PCBP3: variants seen among roughly 807,000 people sequenced by gnomAD.
PCBP3 encodes poly(rC) binding protein 3.
A neutral mutation model predicts 52.7 loss-of-function variants in PCBP3; 25 were observed. That is an observed-to-expected ratio of 0.47 (90% CI 0.35 to 0.66). The LOEUF (loss-of-function observed/expected upper bound fraction) is 0.66. Among genes scored for constraint, PCBP3 ranks in the 30% least tolerant of loss-of-function variants. The pLI, the probability that PCBP3 is intolerant of heterozygous loss-of-function variation, is 0.01. For missense variants in PCBP3, 391 were observed against 490.3 expected, an observed-to-expected ratio of 0.80 and a Z score of 1.91; for synonymous variants, 162 against 183.0, an observed-to-expected ratio of 0.89 and a Z score of 0.93.
rs185032037 is a variant in PCBP3 at position 45,653,595 on chromosome 21, T to C, written c.-279+9727T>C. Reference sequence around the variant, plus strand: ...ATTTACATACTATCTTTGTTTTTTATCTTATTCTCAACCTTACTATAGTTT... The same window carrying C: ...ATTTACATACTATCTTTGTTTTTTACCTTATTCTCAACCTTACTATAGTTT... On this transcript the variant is annotated intron_variant, in intron 1 of 17. Transcript: ENST00000681687. Among the ~76,000 whole-genome samples the C allele has an allele frequency of 1.7e-3, 264 of 152,292 alleles. 1 individual carries two copies. The highest frequency in any genetic ancestry group is 6.1e-3 in the African/African-American group (253 of 41,580).
chr21:45,870,040 T>G (rs778725887), intron 5 of PCBP3, among the ~76,000 whole-genome samples: 22 of 149,930 alleles, frequency 1.5e-4, no homozygotes, highest in Middle Eastern at 7.1e-3. Context: ...TTTATTGAAT[T>G]TATTTTTGTT....
In PCBP3 at chr21:45,917,189, C is replaced by T. The variant is rs2073597260; in HGVS notation, c.676-399C>T. 1.1e-5 allele frequency: 2 copies of T among 179,650 alleles called. No individual in the cohort carries two copies. The highest frequency in any genetic ancestry group is 2.3e-5 in the Non-Finnish European group (2 of 85,888). 11.1% of individuals were successfully genotyped at this position (179,650 alleles called of 1,614,324 possible). Reference sequence around the variant, plus strand: ...TTAGAGCTTTCTTTTGTTGTTTGGACTTCTTGGGGTAAATTATTTCCCAAA... The same window carrying T: ...TTAGAGCTTTCTTTTGTTGTTTGGATTTCTTGGGGTAAATTATTTCCCAAA... On this transcript the variant is annotated intron_variant, in intron 12 of 17. Coordinates refer to ENST00000681687, the MANE Select transcript of PCBP3 (RefSeq NM_001384156.1). The surrounding 1 kb of genome is among the most constrained non-coding windows in gnomAD (Gnocchi z 5.3).
At chr21:45,902,351 G>A (rs2096080108) in intron 9 of PCBP3, among the ~76,000 whole-genome samples, 1 of 151,588 alleles carries the variant, frequency 6.6e-6, no homozygotes, top group Non-Finnish European at 1.5e-5. Context: ...TATCGTAGGT[G>A]GCCTGGCCAC....
chr21:45,858,631 T>A (rs1179151759), intron 5 of PCBP3: 2 of 152,182 alleles, frequency 1.3e-5, no homozygotes, highest in East Asian at 3.9e-4. Context: ...CAAACTGAAC[T>A]CCTCGTCATA....
chr21:45,645,534 G>A (rs963361521), intron 1 of PCBP3, among the ~76,000 whole-genome samples: 2 of 152,168 alleles, frequency 1.3e-5, no homozygotes, highest in African/African-American at 4.8e-5. Flanking sequence ...AACCCACACA[G>A]CTTTGTGGTT....
chr21:45,692,294 G>A (rs894624308), intron 2 of PCBP3, among the ~76,000 whole-genome samples: 3 of 151,866 alleles, frequency 2.0e-5, no homozygotes, highest in Non-Finnish European at 4.4e-5. Context: ...AAATAAGAAT[G>A]TAGAAATCAA....
At chr21:45,647,888 A>G (rs929586726) in intron 1 of PCBP3, among the ~76,000 whole-genome samples, 34 of 152,176 alleles carry the variant, frequency 2.2e-4, no homozygotes, top group African/African-American at 8.2e-4. Context: ...TGATTTTAAA[A>G]TAGGGAGATT....
intron 2 of PCBP3, among the ~76,000 whole-genome samples, chr21:45,717,417 TAG>T (rs1193959197): frequency 6.6e-6 from 1 of 152,196 alleles, no homozygotes; most frequent in Non-Finnish European, 1.5e-5. Flanking sequence ...TTTCTCATCT[TAG>T]GGGAAAAGCT....
At chr21:45,816,222 C>T (rs2092949988) in intron 4 of PCBP3, among the ~76,000 whole-genome samples, 1 of 151,874 alleles carries the variant, frequency 6.6e-6, no homozygotes, top group African/African-American at 2.4e-5. Context: ...TTGGGATATG[C>T]TAAATTTATG....
intron 8 of PCBP3, 83 bp downstream of exon 8, chr21:45,900,706 C>T: frequency 9.4e-7 from 1 of 1,067,798 alleles, no homozygotes; most frequent in Non-Finnish European, 1.5e-6. Flanking sequence ...TGCCGACGTC[C>T]TGCCTGTGCT....
intron 2 of PCBP3, among the ~76,000 whole-genome samples, chr21:45,725,694 G>T (rs538512602): frequency 1.5e-3 from 235 of 152,314 alleles, no homozygotes; most frequent in African/African-American, 5.2e-3. Flanking sequence ...AACACAGCAG[G>T]CACATGCTAC....
At chr21:45,863,543 A>C (rs1004605287) in intron 5 of PCBP3, among the ~76,000 whole-genome samples, 1 of 152,138 alleles carries the variant, frequency 6.6e-6, no homozygotes, top group Non-Finnish European at 1.5e-5. Flanking sequence ...GCATGAGGGG[A>C]GCTGGGCAAA....
In PCBP3 at chr21:45,800,937, G is replaced by C. The variant is rs1428431491; in HGVS notation, c.-126+45485G>C. On this transcript the variant is annotated intron_variant, in intron 4 of 17. Transcript: ENST00000681687. This position sits in a 1 kb window ranked among gnomAD's most constrained non-coding sequence, Gnocchi z 5.3. ...TCCTCCCAGGAGATGGGGTGCCTGA[G>C]CATGGGGTTCCCGCCTCCTCCAGGA... Among the ~76,000 whole-genome samples, 1 of 152,192 alleles carries C rather than the reference G, an allele frequency of 6.6e-6. No homozygotes were observed. The highest frequency in any genetic ancestry group is 1.5e-5 in the Non-Finnish European group (1 of 68,030).
At chr21:45,929,234 C>T (rs781007994) in intron 13 of PCBP3, among the ~76,000 whole-genome samples, 1 of 152,124 alleles carries the variant, frequency 6.6e-6, no homozygotes, top group Admixed American at 6.5e-5. Context: ...GGGACACAGG[C>T]GGCTCCCAGC....
chr21:45,795,230 G>T (rs547286683), intron 4 of PCBP3, among the ~76,000 whole-genome samples: 1 of 151,708 alleles, frequency 6.6e-6, no homozygotes, highest in South Asian at 2.1e-4. Context: ...CAGAATGTCC[G>T]TATGTTTACG....
chr21:45,708,899 C>T (rs1270022520), intron 2 of PCBP3, among the ~76,000 whole-genome samples: 2 of 152,216 alleles, frequency 1.3e-5, no homozygotes, highest in African/African-American at 4.8e-5. Context: ...CTGGGCGAGG[C>T]CCCCACTGGC....
In PCBP3 at chr21:45,825,784, C is replaced by T. The variant is rs148958931; in HGVS notation, c.-125-24177C>T. 1.4e-3 allele frequency among the ~76,000 whole-genome samples: 211 copies of T among 152,182 alleles called. 1 individual carries two copies. Among genetic ancestry groups the T allele is most frequent in the African/African-American group, 4.8e-3 (199 of 41,504 alleles). ...TCTCAGGCAGGGCATCGAGGTTGCC[C>T]CAGCAGAGGTGGGGTTGGTGGTGGG... On this transcript the variant is annotated intron_variant, in intron 4 of 17. Transcript: ENST00000681687.
intron 5 of PCBP3, among the ~76,000 whole-genome samples, chr21:45,854,494 CG>C (rs1237644821): frequency 1.3e-5 from 2 of 152,124 alleles, no homozygotes; most frequent in African/African-American, 2.4e-5. Flanking sequence ...GACCGCTACA[CG>C]TGGAATTATA....
At chr21:45,867,175 A>C (rs1406711725) in intron 5 of PCBP3, among the ~76,000 whole-genome samples, 1 of 152,206 alleles carries the variant, frequency 6.6e-6, no homozygotes, top group Non-Finnish European at 1.5e-5. Context: ...CATCCTAGGC[A>C]GAGCAGGCGT....
Sources: gnomAD v4.1 joint callset for allele counts (sites outside exome capture counted in the v4.1 genomes callset) on GRCh38, gnomAD v4.1.1 for gene constraint, Gnocchi (gnomAD v3.1) non-coding constraint, MANE v1.5 for transcripts, NCBI Gene and HGNC (gene_info 2026-07-23, HGNC 2026-07-21) for gene names.